ZNF532: variants seen among roughly 807,000 people sequenced by gnomAD.
ZNF532 encodes zinc finger protein 532.
A neutral mutation model predicts 89.3 loss-of-function variants in ZNF532; 22 were observed. The observed-to-expected ratio is 0.25, with a 90% CI of 0.18 to 0.35. The LOEUF (loss-of-function observed/expected upper bound fraction) is 0.35. ZNF532 is among the 10% of genes least tolerant of loss of function. The pLI, the probability that ZNF532 is intolerant of heterozygous loss-of-function variation, is 1.00. For synonymous variants in ZNF532, 606 were observed against 649.6 expected, an observed-to-expected ratio of 0.93 and a Z score of 1.02; for missense variants, 1,132 against 1,643.4, an observed-to-expected ratio of 0.69 and a Z score of 5.38.
chr18:58,907,731 T>G (rs996668794), intron 2 of ZNF532, among the ~76,000 whole-genome samples: 4 of 152,156 alleles, frequency 2.6e-5, no homozygotes, highest in Non-Finnish European at 5.9e-5. Context: ...ACGTGGTAGA[T>G]TTCTCATTTG....
rs149226705 is a variant in ZNF532, at chr18:58,971,813, G to T, written c.3151-7242G>T. 2.4e-3 allele frequency among the ~76,000 whole-genome samples: 359 copies of T among 152,310 alleles called. 2 individuals carry two copies. The highest frequency in any genetic ancestry group is 0.011 in the Admixed American group (164 of 15,306). On this transcript the variant is annotated intron_variant, in intron 7 of 9. Coordinates refer to ENST00000591808, the MANE Select transcript of ZNF532 (RefSeq NM_001375912.1). ...GAAATAATTGATTATGGAAATTTGT[G>T]TCTGTAGTTACTAAGAAGTTGAGAC...
intron 4 of ZNF532, among the ~76,000 whole-genome samples, chr18:58,938,252 A>G (rs369918669): frequency 3.9e-5 from 6 of 152,098 alleles, no homozygotes; most frequent in African/African-American, 1.4e-4. Context: ...TTAGAGGTAA[A>G]TTTCTGGAGA....
chr18:58,916,516 A>G (rs959502525), intron 2 of ZNF532, among the ~76,000 whole-genome samples: 1 of 152,148 alleles, frequency 6.6e-6, no homozygotes, highest in African/African-American at 2.4e-5. Context: ...CGCCCCTCTG[A>G]GAGAAGAGTG....
At chr18:58,904,012 A>G (rs1255210084) in intron 2 of ZNF532, among the ~76,000 whole-genome samples, 1 of 152,160 alleles carries the variant, frequency 6.6e-6, no homozygotes, top group African/African-American at 2.4e-5. Context: ...CTTAGTAATA[A>G]TAGGTGGCCT....
intron 2 of ZNF532, among the ~76,000 whole-genome samples, chr18:58,884,100 C>T (rs1228712593): frequency 1.3e-5 from 2 of 152,182 alleles, no homozygotes; most frequent in African/African-American, 4.8e-5. Context: ...AAAACTTGGC[C>T]GGGCACAGTG....
At position 58,921,987 on chromosome 18, in the gene ZNF532, G is replaced by A. The variant is rs539658640; in HGVS notation, c.2346+1354G>A. ...CCGGGCTTGGTGGTGCATGCTGTTGGTCCCAGCTACTTGGGAGGCTGAGGT... is the reference window on the plus strand; with the variant it reads ...CCGGGCTTGGTGGTGCATGCTGTTGATCCCAGCTACTTGGGAGGCTGAGGT... On this transcript the variant is annotated intron_variant, in intron 3 of 9. Coordinates refer to ENST00000591808, the MANE Select transcript of ZNF532 (RefSeq NM_001375912.1). Among the ~76,000 whole-genome samples the A allele has an allele frequency of 1.6e-4, 25 of 152,150 alleles. 1 individual carries two copies. The South Asian group carries it at 4.6e-3, about 28-fold the overall frequency.
At position 58,934,722 on chromosome 18, in the gene ZNF532, G is replaced by T. The variant is rs111868815; in HGVS notation, c.2528+108G>T. On this transcript the variant is annotated intron_variant, in intron 4 of 9. Coordinates refer to ENST00000591808, the MANE Select transcript of ZNF532 (RefSeq NM_001375912.1). ...TTTCTGGGTCATACGGTGATACCTC[G>T]ATTAACAGATCCTCTGGGAACCTAG... is the stretch of plus-strand genomic sequence containing the variant. 610 of 1,061,186 alleles carry T rather than the reference G, an allele frequency of 5.7e-4. 4 individuals carry two copies. The African/African-American group carries it at 8.6e-3, about 15-fold the overall frequency. The allele number at this position is 1,061,186 out of a possible 1,614,324, so 65.7% of individuals were successfully genotyped here. A position where few individuals can be genotyped will look rare whatever the true frequency, so the allele number is the denominator to read the frequency against.
intron 2 of ZNF532, among the ~76,000 whole-genome samples, chr18:58,907,620 G>C (rs775127586): frequency 6.6e-6 from 1 of 151,814 alleles, no homozygotes. Flanking sequence ...TCATAATTTT[G>C]TGGTCATTTG....
chr18:58,876,805 C>T (rs2057465738), intron 2 of ZNF532, among the ~76,000 whole-genome samples: 2 of 152,280 alleles, frequency 1.3e-5, no homozygotes, highest in South Asian at 4.1e-4. Flanking sequence ...CGCCTGTAAT[C>T]CCAGCACTTC....
intron 2 of ZNF532, among the ~76,000 whole-genome samples, chr18:58,887,276 G>A (rs926568937): frequency 6.6e-6 from 1 of 152,206 alleles, no homozygotes; most frequent in African/African-American, 2.4e-5. Flanking sequence ...GCAGAACCAC[G>A]GTTTTGAAAT....
Position 58,981,991 on chromosome 18 carries a change from G to A in ZNF532, c.3411+374G>A, listed in dbSNP as rs187835666. On this transcript the variant is annotated intron_variant, in intron 9 of 9. Coordinates refer to ENST00000591808, the MANE Select transcript of ZNF532 (RefSeq NM_001375912.1). ...TGCACTCTAGCCCAGGCGACAGTGC[G>A]AGACTCTCCCAAAAAAAAAAAAAAA... Among the ~76,000 whole-genome samples the A allele has an allele frequency of 3.1e-3, 396 of 128,256 alleles. 3 individuals are homozygous for A. The Middle Eastern group carries it at 0.056, about 18-fold the overall frequency. 84.1% of individuals were successfully genotyped at this position (128,256 alleles called of 152,430 possible).
At chr18:58,975,489 G>T (rs1281375746) in intron 7 of ZNF532, among the ~76,000 whole-genome samples, 1 of 152,222 alleles carries the variant, frequency 6.6e-6, no homozygotes, top group Non-Finnish European at 1.5e-5. Context: ...CTGATTGTGA[G>T]GGAAGCCCCG....
intron 2 of ZNF532, among the ~76,000 whole-genome samples, chr18:58,903,562 G>C (rs17834481): frequency 0.036 from 5,519 of 152,254 alleles, 101 homozygotes; most frequent in East Asian, 0.058. Context: ...ATTATAAAGA[G>C]AATGAGGGCG....
At chr18:58,893,953 A>C (rs1395280734) in intron 2 of ZNF532, among the ~76,000 whole-genome samples, 1 of 151,922 alleles carries the variant, frequency 6.6e-6, no homozygotes, top group Non-Finnish European at 1.5e-5. Context: ...TCCTGTATTT[A>C]CTGTCTGTGG....
intron 5 of ZNF532, 184 bp downstream of exon 5, chr18:58,939,805 G>T (rs2146620434): frequency 6.3e-6 from 3 of 473,938 alleles, no homozygotes; most frequent in Admixed American, 4.0e-5. Flanking sequence ...TCCAGGTAAA[G>T]ACCTTGTCCA....
intron 2 of ZNF532, among the ~76,000 whole-genome samples, chr18:58,869,836 G>A (rs1231091396): frequency 2.1e-5 from 3 of 144,278 alleles, no homozygotes; most frequent in Admixed American, 7.4e-5. Context: ...GCGTGATCTC[G>A]GCTCACTGCA....
At chr18:58,955,979 G>A (rs1442997100) in intron 7 of ZNF532, among the ~76,000 whole-genome samples, 2 of 152,198 alleles carry the variant, frequency 1.3e-5, no homozygotes, top group South Asian at 2.1e-4. Flanking sequence ...GCTGGCCTTC[G>A]TCATCATCCG....
intron 2 of ZNF532, among the ~76,000 whole-genome samples, chr18:58,885,887 A>G (rs1256910275): frequency 6.6e-6 from 1 of 152,200 alleles, no homozygotes; most frequent in South Asian, 2.1e-4. Context: ...AAAAGCTCAA[A>G]ATTTCCCTCA....
intron 2 of ZNF532, among the ~76,000 whole-genome samples, chr18:58,881,543 G>A (rs576320003): frequency 1.3e-4 from 20 of 152,332 alleles, no homozygotes; most frequent in African/African-American, 4.8e-4. Flanking sequence ...GAGGACATCT[G>A]TCTTGTTATC....
Sources: gnomAD v4.1 joint callset for allele counts (sites outside exome capture counted in the v4.1 genomes callset) on GRCh38, gnomAD v4.1.1 for gene constraint, MANE v1.5 for transcripts, NCBI Gene and HGNC (gene_info 2026-07-23, HGNC 2026-07-21) for gene names.